FATE1: variants seen among roughly 807,000 people sequenced by gnomAD.
The protein encoded by FATE1 is fetal and adult testis-expressed transcript protein.
In FATE1, 18 loss-of-function variants were observed where a neutral mutation model predicts 16.0. The observed-to-expected ratio is 1.12, with a 90% CI of 0.78 to 1.66. The LOEUF (loss-of-function observed/expected upper bound fraction) is 1.66. FATE1 is among the 40% of genes most tolerant of loss of function. The probability of loss-of-function intolerance (pLI) is 0.00; values close to 1 mark genes in which losing one functional copy is unlikely to be tolerated. For synonymous variants in FATE1, 76 were observed against 56.9 expected (o/e 1.34, Z -1.51); for missense variants, 169 against 152.7 (o/e 1.11, Z -0.56).
At chrX:151,719,401 T>A (rs189334258) in intron 2 of FATE1, among the ~76,000 whole-genome samples, 2 of 112,047 alleles carry the variant, frequency 1.8e-5, no homozygotes, top group East Asian at 5.6e-4. Context: ...AGTTGGGACT[T>A]GGTGGGTTAA....
At chrX:151,717,237 A>G (rs754124594) in intron 1 of FATE1, 35 bp from the exon 2 acceptor site, 9 of 1,186,096 alleles carry the variant, frequency 7.6e-6, no homozygotes, top group African/African-American at 5.3e-5. Flanking sequence ...TGCAACTTCT[A>G]TGGGTGCTCC....
At chrX:151,720,027 G>A (rs1227557851) in intron 2 of FATE1, among the ~76,000 whole-genome samples, 1 of 112,052 alleles carries the variant, frequency 8.9e-6, no homozygotes, top group African/African-American at 3.2e-5. Context: ...CCAGAATGAA[G>A]ACGGTTTTAT....
At chrX:151,720,698 G>T (rs1449528176) in intron 2 of FATE1, among the ~76,000 whole-genome samples, 1 of 112,063 alleles carries the variant, frequency 8.9e-6, no homozygotes, top group Non-Finnish European at 1.9e-5. Flanking sequence ...CCTGGCATGT[G>T]GTGTGTGTTA....
chrX:151,721,506 G>A lies in FATE1; in HGVS notation c.341+5G>A. 3 of 1,200,714 alleles carry A rather than the reference G, an allele frequency of 2.5e-6. No individual in the cohort carries two copies. The highest frequency in any genetic ancestry group is 3.4e-6 in the Non-Finnish European group (3 of 885,174). ...CATACGTTTCCATTATGATCGGTAA[G>A]AGCTGAGGGTCTGTGGGCCCTGGCT... is the stretch of plus-strand genomic sequence containing the variant. On this transcript the variant is annotated splice_donor_5th_base_variant and intron_variant, in intron 3 of 4. Coordinates refer to ENST00000370350, the MANE Select transcript of FATE1 (RefSeq NM_033085.3).
In FATE1 at chrX:151,716,125, A is replaced by C; in HGVS notation, c.6A>C (p.Ala2=). The part of the protein sequence containing the change: M[A]GGPPNTKAEM... Reference sequence around the variant, plus strand: ...CAAGAGAACAGCTGGTTGTGATGGCAGGAGGCCCTCCCAACACCAAGGCGG... The same window carrying C: ...CAAGAGAACAGCTGGTTGTGATGGCCGGAGGCCCTCCCAACACCAAGGCGG... Residue 2 remains alanine (A), a synonymous_variant, in exon 1 of 5, where the codon GCA becomes GCC. Transcript: ENST00000370350. 8.6e-7 allele frequency: 1 copy of C among 1,164,918 alleles called. No individual in the cohort carries two copies. Among genetic ancestry groups the C allele is most frequent in the Non-Finnish European group, 1.1e-6 (1 of 870,930 alleles).
intron 2 of FATE1, among the ~76,000 whole-genome samples, chrX:151,720,913 C>G (rs1403677447): frequency 8.9e-6 from 1 of 112,126 alleles, no homozygotes; most frequent in Non-Finnish European, 1.9e-5. Context: ...AAATGAAAGC[C>G]ACAGGGATGG....
At position 151,722,720 on chromosome X, in the gene FATE1, G is replaced by C. The variant is rs761535306; in HGVS notation, c.513G>C (p.Ser171=). Reference sequence around the variant, plus strand: ...CCCTGATCATCGCCGTGCTGGTGTCGGCCAGCATTGCCAACCTGTGGCTGT... The same window carrying C: ...CCCTGATCATCGCCGTGCTGGTGTCCGCCAGCATTGCCAACCTGTGGCTGT... ...RETLIIAVLV[S]ASIANLWLWM... Residue 171 remains serine, a synonymous_variant, in exon 5 of 5, where the codon TCG becomes TCC. Coordinates refer to ENST00000370350, the MANE Select transcript of FATE1 (RefSeq NM_033085.3). 7 of 1,211,654 alleles carry C rather than the reference G, an allele frequency of 5.8e-6. No individual in the cohort carries two copies. The South Asian group carries it at 1.1e-4, about 18-fold the overall frequency.
At chrX:151,717,717 CGT>C (rs59141256) in intron 2 of FATE1, among the ~76,000 whole-genome samples, 3 of 109,183 alleles carry the variant, frequency 2.7e-5, no homozygotes, top group Non-Finnish European at 3.8e-5. Flanking sequence ...GTGTGTGGTA[CGT>C]GTGTGTGTGT....
At chrX:151,722,551 A>G in intron 4 of FATE1, 77 bp from the exon 5 acceptor site, 1 of 1,189,170 alleles carries the variant, frequency 8.4e-7, no homozygotes, top group Non-Finnish European at 1.1e-6. Flanking sequence ...CTCTAACTTT[A>G]TGCTTTTCCC....
rs750599160 is a variant in FATE1 at position 151,721,099 on chromosome X, A to G, written c.235-296A>G. ...CAGTAGGTTGCTCAGCCTCTCAGCTAATACCTGCATGTGAAAGTTCTTGCA... is the reference window on the plus strand; with the variant it reads ...CAGTAGGTTGCTCAGCCTCTCAGCTGATACCTGCATGTGAAAGTTCTTGCA... On this transcript the variant is annotated intron_variant, in intron 2 of 4. Transcript: ENST00000370350. Among the ~76,000 whole-genome samples, 3 of 112,779 alleles carry G rather than the reference A, an allele frequency of 2.7e-5. No homozygotes were observed. In the South Asian group the frequency reaches 1.1e-3, roughly 41 times the overall value.
At chrX:151,722,225 G>C (rs2015122918) in intron 4 of FATE1, among the ~76,000 whole-genome samples, 1 of 111,526 alleles carries the variant, frequency 9.0e-6, no homozygotes, top group Admixed American at 9.5e-5. Flanking sequence ...AAAGGTGGAG[G>C]AAGAGGGAAC....
chrX:151,722,503 C>T lies in FATE1; in HGVS notation c.421-125C>T, dbSNP rs2015126270. The T allele has an allele frequency of 3.9e-6, 4 of 1,037,406 alleles. No homozygotes were observed. In the Admixed American group the frequency reaches 7.3e-5, roughly 19 times the overall value. The allele number at this position is 1,037,406 out of a possible 1,213,427, so 85.5% of individuals were successfully genotyped here. On this transcript the variant is annotated intron_variant, in intron 4 of 4. Transcript: ENST00000370350. Reference sequence around the variant, plus strand: ...CTCCTGCTTCTCACTAGGGGCGCTCCCCGCTCCACCGCCAAAGGGCAATCA... The same window carrying T: ...CTCCTGCTTCTCACTAGGGGCGCTCTCCGCTCCACCGCCAAAGGGCAATCA...
In FATE1 at chrX:151,721,479, G is replaced by A; in HGVS notation, c.319G>A (p.Gly107Ser). 8.3e-7 allele frequency: 1 copy of A among 1,211,281 alleles called. No homozygotes were observed. Among genetic ancestry groups the A allele is most frequent in the Non-Finnish European group, 1.1e-6 (1 of 894,618 alleles). ...HLQEYAGNFQGIRFHYDRNPG... is the reference protein window; with the variant it reads ...HLQEYAGNFQSIRFHYDRNPG... Reference sequence around the variant, plus strand: ...CCAGGAGTACGCTGGCAATTTCCAAGGCATACGTTTCCATTATGATCGGTA... The same window carrying A: ...CCAGGAGTACGCTGGCAATTTCCAAAGCATACGTTTCCATTATGATCGGTA... The change falls in exon 3 of 5, where the codon GGC (glycine) becomes AGC (serine). Residue 107 changes from glycine to serine, a missense_variant. By Grantham distance (56) the Gly-to-Ser change is moderately conservative. Transcript: ENST00000370350.
In FATE1 at chrX:151,722,731, C is replaced by T. The variant is rs929036561; in HGVS notation, c.524C>T (p.Ala175Val). ...IIAVLVSASI[A>V]NLWLWMNQ ...GCCGTGCTGGTGTCGGCCAGCATTG[C>T]CAACCTGTGGCTGTGGATGAACCAG... is the stretch of plus-strand genomic sequence containing the variant. The change falls in exon 5 of 5, where the codon GCC (alanine) becomes GTC (valine). Residue 175 changes from alanine to valine, a missense_variant. Physicochemically the swap from Ala to Val is moderately conservative, Grantham distance 64 (BLOSUM62 0). Coordinates refer to ENST00000370350, the MANE Select transcript of FATE1 (RefSeq NM_033085.3). 4.1e-6 allele frequency: 5 copies of T among 1,210,599 alleles called. No homozygotes were observed. The highest frequency in any genetic ancestry group is 5.6e-6 in the Non-Finnish European group (5 of 894,998).
Position 151,722,129 on chromosome X carries a change from TC to T in FATE1, c.420+152del, listed in dbSNP as rs2015121801. The T allele has an allele frequency of 6.1e-6, 3 of 487,911 alleles. No individual in the cohort carries two copies. The African/African-American group carries it at 7.3e-5, about 12-fold the overall frequency. 40.2% of individuals were successfully genotyped at this position (487,911 alleles called of 1,213,427 possible). On this transcript the variant is annotated intron_variant, in intron 4 of 4. Transcript: ENST00000370350. ...CAGATTCCCTTCCTCTTCCTCCTCA[TC>T]CCCATGGCTCTGACACCCCGCATAG...
intron 2 of FATE1, among the ~76,000 whole-genome samples, chrX:151,718,241 G>GAGAA (rs1289251937): frequency 2.8e-4 from 28 of 98,759 alleles, no homozygotes; most frequent in African/African-American, 7.1e-4. Flanking sequence ...GAAAGAAAGA[G>GAGAA]AGAAAGAAAG....
At position 151,721,463 on chromosome X, in the gene FATE1, C is replaced by T. The variant is rs779571906; in HGVS notation, c.303C>T (p.Tyr101=). ...ATGGGGATGCCCATCTCCAGGAGTA[C>T]GCTGGCAATTTCCAAGGCATACGTT... The part of the protein sequence containing the change: ...SGHGDAHLQE[Y]AGNFQGIRFH... The change falls in exon 3 of 5, where the codon TAC becomes TAT. Residue 101 remains tyrosine (Y), a synonymous_variant. Coordinates refer to ENST00000370350, the MANE Select transcript of FATE1 (RefSeq NM_033085.3). The T allele has an allele frequency of 3.9e-5, 47 of 1,210,583 alleles. No individual in the cohort carries two copies. The highest frequency in any genetic ancestry group is 2.4e-4 in the Admixed American group (11 of 45,965).
chrX:151,719,496 AT>A (rs1462112320), intron 2 of FATE1, among the ~76,000 whole-genome samples: 1 of 111,994 alleles, frequency 8.9e-6, no homozygotes. Flanking sequence ...ATCTCTCAAA[AT>A]TTTTTTTGTC....
At chrX:151,721,734 C>T (rs752725800) in intron 3 of FATE1, among the ~76,000 whole-genome samples, 169 bp from the exon 4 acceptor site, 83 of 112,156 alleles carry the variant, frequency 7.4e-4, no homozygotes, top group Non-Finnish European at 1.4e-3. Flanking sequence ...CTCAGGCTGA[C>T]TCCCAGCCCT....
Sources: gnomAD v4.1 joint callset for allele counts (sites outside exome capture counted in the v4.1 genomes callset) on GRCh38, gnomAD v4.1.1 for gene constraint, MANE v1.5 for transcripts, NCBI Gene and HGNC (gene_info 2026-07-23, HGNC 2026-07-21) for gene names.